LVRN: variants seen among roughly 807,000 people sequenced by gnomAD.
The protein encoded by LVRN is aminopeptidase Q.
A neutral mutation model predicts 111.4 loss-of-function variants in LVRN; 99 were observed. The ratio of observed to expected loss-of-function variants is 0.89; its 90% confidence interval spans 0.76 to 1.05. LVRN has a LOEUF of 1.05. Ranked by LOEUF, LVRN falls within the 50% of genes least tolerant of loss-of-function variation. The pLI is 0.00. For synonymous variants in LVRN, 488 were observed against 449.5 expected, an observed-to-expected ratio of 1.09 and a Z score of -1.08; for missense variants, 1,414 against 1,206.8, an observed-to-expected ratio of 1.17 and a Z score of -2.54.
chr5:115,984,656 G>A lies in LVRN; in HGVS notation c.925G>A (p.Ala309Thr), dbSNP rs377469881. The change falls in exon 3 of 20, where the codon GCA becomes ACA. Residue 309 changes from alanine to threonine, a missense_variant. Coordinates refer to ENST00000357872, the MANE Select transcript of LVRN (RefSeq NM_173800.5). ...GCCCCACATGCCAACTTACTTAGTC[G>A]CATTTGTTATATGTGACTATGACCA... Reference protein sequence around the residue: ...TTPHMPTYLVAFVICDYDHVN... With the variant: ...TTPHMPTYLVTFVICDYDHVN... 37 of 1,613,460 alleles carry A rather than the reference G, an allele frequency of 2.3e-5. No homozygotes were observed. Among genetic ancestry groups the A allele is most frequent in the African/African-American group, 2.1e-4 (16 of 74,876 alleles).
intron 18 of LVRN, 95 bp downstream of exon 18, chr5:116,015,860 A>G (rs141905500): frequency 7.5e-5 from 110 of 1,462,732 alleles, no homozygotes; most frequent in Non-Finnish European, 9.8e-5. Context: ...GCTTTAGTCT[A>G]GCTAGGCCAC....
rs142150045 is a variant in LVRN at position 115,980,270 on chromosome 5, A to G, written c.696-3017A>G. 7.2e-5 allele frequency among the ~76,000 whole-genome samples: 11 copies of G among 152,030 alleles called. No homozygotes were observed. The East Asian group carries it at 2.1e-3, about 29-fold the overall frequency. On this transcript the variant is annotated intron_variant, in intron 1 of 19. Coordinates refer to ENST00000357872, the MANE Select transcript of LVRN (RefSeq NM_173800.5). ...TGAGTCCAAAGCACAGAGAAAAGGG[A>G]AGGAAACACCACTGTGAGGTTCTCA...
intron 1 of LVRN, among the ~76,000 whole-genome samples, chr5:115,971,034 C>A (rs1275555689): frequency 6.6e-6 from 1 of 152,152 alleles, no homozygotes; most frequent in African/African-American, 2.4e-5. Context: ...TATTGCCAGA[C>A]TTTTTCATTT....
At chr5:116,010,391 TAGAG>T (rs1300787686) in intron 13 of LVRN, 2 of 359,560 alleles carry the variant, frequency 5.6e-6, no homozygotes, top group Non-Finnish European at 1.1e-5. Context: ...GAGCATTAGA[TAGAG>T]AATGACTTCT....
intron 18 of LVRN, among the ~76,000 whole-genome samples, chr5:116,018,631 C>G (rs1748650203): frequency 6.6e-6 from 1 of 151,958 alleles, no homozygotes; most frequent in Admixed American, 6.6e-5. Context: ...GAGATCACAC[C>G]ATTGCCCTCC....
At chr5:115,976,806 A>G (rs1753459429) in intron 1 of LVRN, among the ~76,000 whole-genome samples, 1 of 152,162 alleles carries the variant, frequency 6.6e-6, no homozygotes, top group Non-Finnish European at 1.5e-5. Context: ...ATTTGGTTAT[A>G]TTGCTTAGAG....
intron 18 of LVRN, chr5:116,021,733 TA>T (rs1464353805): frequency 2.2e-6 from 1 of 452,814 alleles, no homozygotes; most frequent in Admixed American, 2.4e-5. Flanking sequence ...CTTTTTTAAC[TA>T]CAGCCACACT....
Position 115,996,024 on chromosome 5 carries a change from C to CT in LVRN, c.1374+2173dup, listed in dbSNP as rs551250234. Among the ~76,000 whole-genome samples the CT allele has an allele frequency of 2.5e-3, 385 of 152,180 alleles. 1 individual carries two copies. Among genetic ancestry groups the CT allele is most frequent in the African/African-American group, 8.9e-3 (369 of 41,524 alleles). On this transcript the variant is annotated intron_variant, in intron 6 of 19. Transcript: ENST00000357872. ...ATTGTCTTAGCTCTCTCCAACAGTC[C>CT]TTTCCACTTACTCTATGCCTACAAA...
intron 6 of LVRN, among the ~76,000 whole-genome samples, chr5:115,996,380 C>T (rs184087280): frequency 5.3e-5 from 8 of 152,196 alleles, no homozygotes; most frequent in Admixed American, 4.6e-4. Flanking sequence ...TTCTTTTTAT[C>T]ATTAGTTTCT....
chr5:116,012,277 G>A, intron 14 of LVRN, 97 bp from the exon 15 acceptor site: 2 of 677,188 alleles, frequency 3.0e-6, no homozygotes, highest in Middle Eastern at 5.0e-4. Context: ...TCTGCCACTT[G>A]TCTATCAATG....
chr5:115,963,061 C>A lies in LVRN; in HGVS notation c.444C>A (p.Ser148Arg). 6.2e-7 allele frequency: 1 copy of A among 1,613,712 alleles called. No homozygotes were observed. Among genetic ancestry groups the A allele is most frequent in the South Asian group, 1.1e-5 (1 of 91,078 alleles). The change falls in exon 1 of 20, where the codon AGC (serine) becomes AGA (arginine). Residue 148 changes from serine (S) to arginine (R), a missense_variant. Coordinates refer to ENST00000357872, the MANE Select transcript of LVRN (RefSeq NM_173800.5). ...CCACCTCTCGACTGCTGCTGCATAG[C>A]CTCTTCCAGGACTGCGAGCGCGCCG... is the stretch of plus-strand genomic sequence containing the variant. Reference protein sequence around the residue: ...TVATSRLLLHSLFQDCERAEV... With the variant: ...TVATSRLLLHRLFQDCERAEV...
intron 18 of LVRN, among the ~76,000 whole-genome samples, chr5:116,018,220 C>A (rs565464806): frequency 6.6e-6 from 1 of 152,284 alleles, no homozygotes; most frequent in South Asian, 2.1e-4. Flanking sequence ...AAAGTCAATA[C>A]CTAGTAAACA....
chr5:116,000,001 T>A (rs1475726590), intron 7 of LVRN, 99 bp downstream of exon 7: 1 of 1,305,204 alleles, frequency 7.7e-7, no homozygotes, highest in East Asian at 2.4e-5. Flanking sequence ...CTTAAAACAT[T>A]TTATGAAAAT....
intron 19 of LVRN, 32 bp from the exon 20 acceptor site, chr5:116,025,946 T>C (rs756857506): frequency 6.2e-7 from 1 of 1,611,184 alleles, no homozygotes. Flanking sequence ...GAAGTTGGAT[T>C]GCACTGATCA....
Position 115,968,561 on chromosome 5 carries a change from C to T in LVRN, c.695+5249C>T, listed in dbSNP as rs1011669505. Among the ~76,000 whole-genome samples, 3 of 151,778 alleles carry T rather than the reference C, an allele frequency of 2.0e-5. No homozygotes were observed. In the East Asian group the frequency reaches 5.8e-4, roughly 29 times the overall value. On this transcript the variant is annotated intron_variant, in intron 1 of 19. Transcript: ENST00000357872. ...CCAAGTGATCCTCTTGTCTCAGCCT[C>T]CTGACTAGCTAGAAGGACAGTTGCC...
intron 13 of LVRN, among the ~76,000 whole-genome samples, chr5:116,007,026 C>T (rs189821435): frequency 6.6e-6 from 1 of 152,136 alleles, no homozygotes; most frequent in African/African-American, 2.4e-5. Flanking sequence ...GTCACCAAGT[C>T]CTATCTCTTC....
intron 1 of LVRN, among the ~76,000 whole-genome samples, chr5:115,977,416 T>G (rs908114041): frequency 3.9e-5 from 6 of 152,184 alleles, no homozygotes; most frequent in Non-Finnish European, 4.4e-5. Context: ...CACAGTCCTG[T>G]GCTTCTGGTT....
intron 18 of LVRN, among the ~76,000 whole-genome samples, chr5:116,017,985 G>A (rs182708653): frequency 2.0e-5 from 3 of 152,218 alleles, no homozygotes; most frequent in African/African-American, 7.2e-5. Context: ...TTTAGTCTAG[G>A]CATGGTGGCT....
intron 19 of LVRN, among the ~76,000 whole-genome samples, chr5:116,024,082 T>A (rs549972897): frequency 6.6e-6 from 1 of 152,314 alleles, no homozygotes; most frequent in East Asian, 1.9e-4. Context: ...GATCAGTGGT[T>A]TCCTGGGACA....
Sources: gnomAD v4.1 joint callset for allele counts (sites outside exome capture counted in the v4.1 genomes callset) on GRCh38, gnomAD v4.1.1 for gene constraint, MANE v1.5 for transcripts, NCBI Gene and HGNC (gene_info 2026-07-23, HGNC 2026-07-21) for gene names.